The following LDB2 variants were observed in gnomAD, a reference collection of about 807,000 sequenced individuals.
LDB2 encodes the protein LIM domain binding 2.
Under a neutral mutation model 44.3 loss-of-function variants are expected in LDB2, and 12 were observed. The ratio of observed to expected loss-of-function variants is 0.27; its 90% CI spans 0.17 to 0.44. The LOEUF (loss-of-function observed/expected upper bound fraction) is 0.44, where lower values mean the gene tolerates loss of function less well. Ranked by LOEUF, LDB2 falls within the 20% of genes least tolerant of loss-of-function variation. The pLI, the probability that LDB2 is intolerant of heterozygous loss-of-function variation, is 1.00. For synonymous variants in LDB2, 164 were observed against 174.8 expected (o/e 0.94, Z 0.49); for missense variants, 344 against 473.5 (o/e 0.73, Z 2.54).
At chr4:16,646,164 G>A (rs1056068669) in intron 2 of LDB2, among the ~76,000 whole-genome samples, 4 of 152,178 alleles carry the variant, frequency 2.6e-5, no homozygotes, top group Admixed American at 6.5e-5. Context: ...TTTCATTAAA[G>A]CACATCTCCA....
intron 2 of LDB2, among the ~76,000 whole-genome samples, chr4:16,642,056 G>A (rs999715552): frequency 1.3e-5 from 2 of 152,064 alleles, no homozygotes; most frequent in Admixed American, 6.6e-5. Flanking sequence ...ATTAAGAACT[G>A]GTAGCCAAAA....
At chr4:16,624,803 T>C (rs543185782) in intron 2 of LDB2, among the ~76,000 whole-genome samples, 1 of 152,374 alleles carries the variant, frequency 6.6e-6, no homozygotes, top group East Asian at 1.9e-4. Flanking sequence ...ATTGACACCA[T>C]TTTATGAATA....
chr4:16,804,892 A>G (rs1426110190), intron 1 of LDB2, among the ~76,000 whole-genome samples: 1 of 152,194 alleles, frequency 6.6e-6, no homozygotes, highest in African/African-American at 2.4e-5. Flanking sequence ...TGGCTTAAGC[A>G]AAAGAAATTT....
intron 1 of LDB2, among the ~76,000 whole-genome samples, chr4:16,772,735 C>G (rs1297072646): frequency 6.6e-6 from 1 of 152,102 alleles, no homozygotes; most frequent in Non-Finnish European, 1.5e-5. Flanking sequence ...AAAACACACA[C>G]ACAAAAAACT....
Position 16,581,250 on chromosome 4 carries a change from G to A in LDB2, c.615+4672C>T, listed in dbSNP as rs145373659. On this transcript the variant is annotated intron_variant, in intron 5 of 7. Transcript: ENST00000304523. ...TGCATTTATCCTACTAGAACCTAGC[G>A]AGAGAGATGGCGTAGCCCATTTCAC... The A allele has an allele frequency of 2.2e-4, 42 of 189,914 alleles. No homozygotes were observed. The East Asian group carries it at 2.6e-3, about 12-fold the overall frequency. 11.8% of individuals were successfully genotyped at this position (189,914 alleles called of 1,614,324 possible).
chr4:16,790,465 T>C (rs1179643356), intron 1 of LDB2, among the ~76,000 whole-genome samples: 1 of 152,044 alleles, frequency 6.6e-6, no homozygotes, highest in Non-Finnish European at 1.5e-5. Flanking sequence ...GAGGAAATGA[T>C]TGATATTCAG....
At chr4:16,640,465 G>A (rs1452925118) in intron 2 of LDB2, among the ~76,000 whole-genome samples, 1 of 152,148 alleles carries the variant, frequency 6.6e-6, no homozygotes, top group Non-Finnish European at 1.5e-5. Context: ...AATATGCCAC[G>A]AGGACAATAT....
chr4:16,705,881 A>G (rs1754496504), intron 2 of LDB2, among the ~76,000 whole-genome samples: 1 of 152,216 alleles, frequency 6.6e-6, no homozygotes, highest in African/African-American at 2.4e-5. Flanking sequence ...AATTTAAGAT[A>G]AAGAAACAAT....
At chr4:16,709,625 G>T (rs1311708457) in intron 2 of LDB2, among the ~76,000 whole-genome samples, 1 of 152,150 alleles carries the variant, frequency 6.6e-6, no homozygotes, top group African/African-American at 2.4e-5. Flanking sequence ...AAAGTGTTTT[G>T]TTTGATTTGC....
At chr4:16,799,727 C>A (rs1777408695) in intron 1 of LDB2, among the ~76,000 whole-genome samples, 1 of 152,292 alleles carries the variant, frequency 6.6e-6, no homozygotes, top group Non-Finnish European at 1.5e-5. Flanking sequence ...CACAGCTACA[C>A]CTTTTGCTTA....
At chr4:16,578,529 G>T (rs1712814295) in intron 5 of LDB2, among the ~76,000 whole-genome samples, 1 of 152,164 alleles carries the variant, frequency 6.6e-6, no homozygotes, top group Non-Finnish European at 1.5e-5. Flanking sequence ...AGTCAAAATG[G>T]TTTTTAGCCA....
chr4:16,813,403 T>G (rs1780283990), intron 1 of LDB2, among the ~76,000 whole-genome samples: 1 of 152,156 alleles, frequency 6.6e-6, no homozygotes, highest in Non-Finnish European at 1.5e-5. Flanking sequence ...CAATGCATAG[T>G]GAATACTCAG....
intron 5 of LDB2, among the ~76,000 whole-genome samples, chr4:16,518,036 A>G (rs1724513267): frequency 6.6e-6 from 1 of 152,228 alleles, no homozygotes; most frequent in Non-Finnish European, 1.5e-5. Context: ...TTTGATGAAT[A>G]AATGATTGTC....
At chr4:16,626,595 C>T (rs1306262628) in intron 2 of LDB2, 1 of 152,164 alleles carries the variant, frequency 6.6e-6, no homozygotes, top group Non-Finnish European at 1.5e-5. Context: ...ATTTCCAGTT[C>T]CCAGCTCTGG....
At chr4:16,860,245 G>A (rs1259378655) in intron 1 of LDB2, among the ~76,000 whole-genome samples, 6 of 152,134 alleles carry the variant, frequency 3.9e-5, no homozygotes, top group Non-Finnish European at 7.3e-5. Flanking sequence ...GCACTTTCCT[G>A]TACCATTTAA....
chr4:16,720,489 T>A (rs976786799), intron 2 of LDB2, among the ~76,000 whole-genome samples: 6 of 152,134 alleles, frequency 3.9e-5, no homozygotes, highest in Non-Finnish European at 1.5e-5. Flanking sequence ...ATATGTCTCC[T>A]ACCGGTTTTG....
chr4:16,503,916 C>G (rs1718324325), intron 7 of LDB2, among the ~76,000 whole-genome samples: 1 of 152,166 alleles, frequency 6.6e-6, no homozygotes, highest in Non-Finnish European at 1.5e-5. Context: ...AGAGCTCCAG[C>G]TTCTTTGTTC....
intron 5 of LDB2, among the ~76,000 whole-genome samples, chr4:16,542,719 T>C (rs1410847825): frequency 7.3e-6 from 1 of 136,238 alleles, no homozygotes; most frequent in Admixed American, 7.0e-5. Flanking sequence ...TAAATAATGC[T>C]CAATAATTTT....
intron 1 of LDB2, among the ~76,000 whole-genome samples, chr4:16,776,296 C>G (rs1271373571): frequency 6.6e-6 from 1 of 152,230 alleles, no homozygotes; most frequent in Non-Finnish European, 1.5e-5. Context: ...AGAACACTCA[C>G]TGCTTTAGGA....
Sources: allele counts gnomAD v4.1 joint callset (sites outside exome capture counted in the v4.1 genomes callset), GRCh38; gene constraint gnomAD v4.1.1; transcripts MANE v1.5; gene names NCBI Gene and HGNC (gene_info 2026-07-23, HGNC 2026-07-21).